The following LYPLA1 variants were observed in gnomAD, a reference collection of about 807,000 sequenced individuals.
LYPLA1 encodes the protein lysophospholipase 1, also known as acyl-protein thioesterase 1.
Under a neutral mutation model 34.0 loss-of-function variants are expected in LYPLA1, and 17 were observed. That is an observed-to-expected ratio of 0.50 (90% CI 0.34 to 0.75). The LOEUF is 0.75. LYPLA1 is among the 30% of genes least tolerant of loss of function. The pLI, the probability that LYPLA1 is intolerant of heterozygous loss-of-function variation, is 0.01. For missense variants in LYPLA1, 203 were observed against 288.8 expected, an observed-to-expected ratio of 0.70 and a Z score of 2.15; for synonymous variants, 98 against 100.8, an observed-to-expected ratio of 0.97 and a Z score of 0.17.
Position 54,046,971 on chromosome 8 carries a change from T to A in LYPLA1, c.*1094A>T, listed in dbSNP as rs1295197715. Reference sequence around the variant, plus strand: ...TGGCAGATGAAAATAAAGCAAAAAATTACAATAGATTCCTCATCTTCTACA... The same window carrying A: ...TGGCAGATGAAAATAAAGCAAAAAAATACAATAGATTCCTCATCTTCTACA... On this transcript the variant is annotated 3_prime_UTR_variant, in exon 9 of 9. Coordinates refer to ENST00000316963, the MANE Select transcript of LYPLA1 (RefSeq NM_006330.4). 1 of 152,096 alleles carries A rather than the reference T, an allele frequency of 6.6e-6. No individual in the cohort carries two copies. Among genetic ancestry groups the A allele is most frequent in the African/African-American group, 2.4e-5 (1 of 41,428 alleles). The allele number at this position is 152,096 out of a possible 1,614,324, so 9.4% of individuals were successfully genotyped here.
At chr8:54,099,957 T>TA (rs1809988201) in intron 2 of LYPLA1, among the ~76,000 whole-genome samples, 1 of 152,178 alleles carries the variant, frequency 6.6e-6, no homozygotes, top group South Asian at 2.1e-4. Context: ...GTGCTGGGAT[T>TA]ACAGGTGTGA....
chr8:54,059,809 C>A (rs1806468827), intron 5 of LYPLA1, among the ~76,000 whole-genome samples: 1 of 152,164 alleles, frequency 6.6e-6, no homozygotes, highest in Non-Finnish European at 1.5e-5. Context: ...GTAGTCCCAG[C>A]TACTCAGAAG....
chr8:54,051,936 C>T (rs1219483663), intron 7 of LYPLA1, among the ~76,000 whole-genome samples: 4 of 151,486 alleles, frequency 2.6e-5, no homozygotes, highest in African/African-American at 7.3e-5. Context: ...CTGCAACTTC[C>T]ACCTCCTGGG....
intron 5 of LYPLA1, among the ~76,000 whole-genome samples, chr8:54,060,921 C>A (rs866512694): frequency 2.0e-5 from 3 of 151,768 alleles, no homozygotes; most frequent in South Asian, 4.2e-4. Context: ...TCTCAAACTC[C>A]TGACCTCAGG....
intron 2 of LYPLA1, 31 bp downstream of exon 2, chr8:54,100,877 T>C: frequency 6.3e-7 from 1 of 1,580,242 alleles, no homozygotes; most frequent in Non-Finnish European, 8.7e-7. Flanking sequence ...CCAGTTTCAT[T>C]ACTGTTACTA....
intron 5 of LYPLA1, among the ~76,000 whole-genome samples, chr8:54,055,345 A>G (rs1806133973): frequency 6.6e-6 from 1 of 152,206 alleles, no homozygotes; most frequent in Non-Finnish European, 1.5e-5. Flanking sequence ...TAAAAAAATC[A>G]AATTTCCGAT....
chr8:54,098,572 G>A (rs1013628458), intron 2 of LYPLA1, among the ~76,000 whole-genome samples: 2 of 152,100 alleles, frequency 1.3e-5, no homozygotes, highest in Admixed American at 6.5e-5. Flanking sequence ...TCTCAGCTAC[G>A]CCGGAGGCCG....
rs1234024914 is a variant in LYPLA1, at chr8:54,089,500, GGC to G, written c.101+11406_101+11407del. 2.8e-5 allele frequency among the ~76,000 whole-genome samples: 4 copies of G among 142,902 alleles called. 1 individual carries two copies. Among genetic ancestry groups the G allele is most frequent in the African/African-American group, 8.9e-5 (3 of 33,744 alleles). The allele number at this position is 142,902 out of a possible 152,430, so 93.7% of individuals were successfully genotyped here. A position where few individuals can be genotyped will look rare whatever the true frequency, so the allele number is the denominator to read the frequency against. On this transcript the variant is annotated intron_variant, in intron 2 of 8. Transcript: ENST00000316963. ...GTGATTTCAGACATCCCTGGGGGGG[GGC>G]GGGATCTTTGAACATATGTGACAAT...
At chr8:54,051,373 C>T (rs1805833127) in intron 7 of LYPLA1, among the ~76,000 whole-genome samples, 185 bp from the exon 8 acceptor site, 1 of 152,176 alleles carries the variant, frequency 6.6e-6, no homozygotes, top group Admixed American at 6.5e-5. Context: ...GATGTATGAT[C>T]ACCTTGCCTC....
At chr8:54,043,004 G>A (rs545436576), downstream of LYPLA1, 2 of 152,202 alleles carry the variant, frequency 1.3e-5, no homozygotes, top group Admixed American at 1.3e-4. Context: ...AATGTTCATG[G>A]TTTATTTAGC....
At chr8:54,060,147 C>T (rs752517557) in intron 5 of LYPLA1, among the ~76,000 whole-genome samples, 6 of 150,652 alleles carry the variant, frequency 4.0e-5, no homozygotes, top group Admixed American at 6.6e-5. Context: ...TTTCCTGAGA[C>T]GGAGTTTCAC....
At chr8:54,086,097 C>G (rs1036855608) in intron 2 of LYPLA1, among the ~76,000 whole-genome samples, 2 of 152,142 alleles carry the variant, frequency 1.3e-5, no homozygotes, top group African/African-American at 4.8e-5. Context: ...AATTCTTCCA[C>G]CTTGGGATGC....
chr8:54,080,881 C>T (rs1173930488), intron 2 of LYPLA1, among the ~76,000 whole-genome samples: 1 of 152,158 alleles, frequency 6.6e-6, no homozygotes, highest in African/African-American at 2.4e-5. Flanking sequence ...AGCCACTGTG[C>T]CTGGCCAAAA....
At chr8:54,057,114 G>A (rs1010643891) in intron 5 of LYPLA1, among the ~76,000 whole-genome samples, 19 of 152,228 alleles carry the variant, frequency 1.2e-4, no homozygotes, top group African/African-American at 4.1e-4. Flanking sequence ...GCAAATGCTG[G>A]CAAGGATGTG....
chr8:54,052,009 C>A (rs1274335584), intron 7 of LYPLA1, among the ~76,000 whole-genome samples: 1 of 151,900 alleles, frequency 6.6e-6, no homozygotes, highest in Non-Finnish European at 1.5e-5. Context: ...CACCACGACG[C>A]CCAGCTAATT....
At chr8:54,094,573 A>G (rs139236618) in intron 2 of LYPLA1, among the ~76,000 whole-genome samples, 3 of 152,368 alleles carry the variant, frequency 2.0e-5, no homozygotes, top group East Asian at 1.9e-4. Context: ...TAAAACTGAT[A>G]TGTGTGTACA....
chr8:54,054,608 G>A (rs1329163657), intron 6 of LYPLA1: 2 of 153,058 alleles, frequency 1.3e-5, no homozygotes, highest in Non-Finnish European at 2.9e-5. Context: ...AGGTCCGTAT[G>A]AGGAAGCTAC....
At chr8:54,074,400 A>C (rs1807734431) in intron 2 of LYPLA1, among the ~76,000 whole-genome samples, 1 of 152,252 alleles carries the variant, frequency 6.6e-6, no homozygotes, top group African/African-American at 2.4e-5. Flanking sequence ...TTCATTCCAC[A>C]CAGTTAATTG....
chr8:54,064,109 A>G (rs574148541), intron 3 of LYPLA1, among the ~76,000 whole-genome samples: 2 of 124,990 alleles, frequency 1.6e-5, no homozygotes, highest in African/African-American at 6.2e-5. Context: ...ATCAATATCC[A>G]TTCCAACGTA....
Sources: gnomAD v4.1 joint callset for allele counts (sites outside exome capture counted in the v4.1 genomes callset) on GRCh38, gnomAD v4.1.1 for gene constraint, MANE v1.5 for transcripts, NCBI Gene and HGNC (gene_info 2026-07-23, HGNC 2026-07-21) for gene names.